The following ANKFN1 variants were observed in gnomAD, a reference collection of about 807,000 sequenced individuals.
ANKFN1 encodes ankyrin repeat and fibronectin type-III domain-containing protein 1.
In ANKFN1, 74 loss-of-function variants were observed where a neutral mutation model predicts 108.7. The ratio of observed to expected loss-of-function variants is 0.68; its 90% CI spans 0.56 to 0.83. The LOEUF is 0.83. Ranked by LOEUF, ANKFN1 falls within the 40% of genes least tolerant of loss-of-function variation. ANKFN1 has a pLI of 0.00. For missense variants in ANKFN1, 1,505 were observed against 1,382.3 expected (o/e 1.09, Z -1.41); for synonymous variants, 547 against 516.2 (o/e 1.06, Z -0.81).
chr17:56,509,607 A>G (rs2145490254), intron 20 of ANKFN1, among the ~76,000 whole-genome samples: 1 of 152,334 alleles, frequency 6.6e-6, no homozygotes, highest in South Asian at 2.1e-4. Context: ...TCCCAATTAA[A>G]ATTAAGATTT....
intron 4 of ANKFN1, among the ~76,000 whole-genome samples, chr17:56,341,068 G>A (rs185655556): frequency 4.6e-5 from 7 of 152,190 alleles, no homozygotes; most frequent in Admixed American, 3.9e-4. Context: ...TGTGACAGTT[G>A]TGAATGGGAG....
At chr17:56,418,117 G>C (rs929566390) in intron 8 of ANKFN1, among the ~76,000 whole-genome samples, 1 of 152,134 alleles carries the variant, frequency 6.6e-6, no homozygotes, top group African/African-American at 2.4e-5. Context: ...TTATTAAGTG[G>C]TTTCTGGAGG....
In ANKFN1 at chr17:56,131,775, C is replaced by T. The variant is rs1227867193; in HGVS notation, c.288+85450C>T. ...GGGTGGTGGCTCATTCCTGTAACCCCAGCATTTTGGAAGGCCGAGACAGGA... is the reference window on the plus strand; with the variant it reads ...GGGTGGTGGCTCATTCCTGTAACCCTAGCATTTTGGAAGGCCGAGACAGGA... On this transcript the variant is annotated intron_variant, in intron 4 of 12. Transcript: ENST00000635860. 3.3e-5 allele frequency among the ~76,000 whole-genome samples: 5 copies of T among 152,104 alleles called. No individual in the cohort carries two copies. In the South Asian group the frequency reaches 1.0e-3, roughly 32 times the overall value.
intron 4 of ANKFN1, among the ~76,000 whole-genome samples, chr17:56,093,588 C>T (rs889835391): frequency 2.0e-5 from 3 of 151,316 alleles, no homozygotes; most frequent in Admixed American, 6.6e-5. Flanking sequence ...TCACTGCATG[C>T]GTTATGAGCC....
intron 18 of ANKFN1, among the ~76,000 whole-genome samples, chr17:56,486,170 G>GT (rs757036543): frequency 2.0e-5 from 3 of 152,222 alleles, no homozygotes; most frequent in East Asian, 1.9e-4. Flanking sequence ...CTTTAAGATG[G>GT]TTTTTTCCTA....
chr17:56,421,534 A>G (rs1389405241), intron 8 of ANKFN1, among the ~76,000 whole-genome samples: 1 of 152,216 alleles, frequency 6.6e-6, no homozygotes, highest in African/African-American at 2.4e-5. Context: ...TCCCTTTAAG[A>G]AACTTGGCCA....
intron 3 of ANKFN1, among the ~76,000 whole-genome samples, chr17:56,244,635 C>G (rs887498701): frequency 6.6e-6 from 1 of 152,082 alleles, no homozygotes; most frequent in Non-Finnish European, 1.5e-5. Flanking sequence ...TGAATCCAGG[C>G]AGGCTGCATA....
At chr17:56,503,486 CATATATATATATATATATATATAT>C (rs3052391) in intron 20 of ANKFN1, among the ~76,000 whole-genome samples, 20 of 81,526 alleles carry the variant, frequency 2.5e-4, no homozygotes, top group East Asian at 1.6e-3. Context: ...GCACAAATTT[CATATATATATATATATATATATAT>C]ATATATATAT....
intron 15 of ANKFN1, among the ~76,000 whole-genome samples, chr17:56,475,867 C>A (rs2050480392): frequency 6.6e-6 from 1 of 152,134 alleles, no homozygotes; most frequent in African/African-American, 2.4e-5. Context: ...AGTCCATTTT[C>A]ACACTGCTAT....
intron 4 of ANKFN1, among the ~76,000 whole-genome samples, chr17:56,063,206 A>G (rs1236358834): frequency 6.6e-6 from 1 of 152,062 alleles, no homozygotes; most frequent in African/African-American, 2.4e-5. Context: ...TCAACCTTAG[A>G]GAATCCGAAG....
chr17:56,476,995 A>G (rs2145347393), intron 15 of ANKFN1, among the ~76,000 whole-genome samples: 1 of 152,324 alleles, frequency 6.6e-6, no homozygotes, highest in East Asian at 1.9e-4. Flanking sequence ...TAAGGAACCT[A>G]CTTACTATAA....
At chr17:56,234,142 A>G (rs1916938915) in intron 3 of ANKFN1, among the ~76,000 whole-genome samples, 1 of 152,162 alleles carries the variant, frequency 6.6e-6, no homozygotes, top group South Asian at 2.1e-4. Context: ...TGTGGTGTAA[A>G]TGCTGCTGCC....
intron 1 of ANKFN1, among the ~76,000 whole-genome samples, chr17:56,198,184 A>G (rs987245733): frequency 6.6e-6 from 1 of 152,214 alleles, no homozygotes; most frequent in Non-Finnish European, 1.5e-5. Flanking sequence ...AAGTTAGGAA[A>G]CACTGAATTT....
chr17:56,127,126 G>A (rs7213834), intron 4 of ANKFN1, among the ~76,000 whole-genome samples: 23,840 of 152,066 alleles, frequency 0.16, 2,056 homozygotes, highest in East Asian at 0.28. Context: ...AGAAGTGAGG[G>A]CTAACAGGTA....
intron 4 of ANKFN1, among the ~76,000 whole-genome samples, chr17:56,054,775 A>T (rs1904837097): frequency 6.6e-6 from 1 of 152,060 alleles, no homozygotes; most frequent in African/African-American, 2.4e-5. Flanking sequence ...AGTCCCGGCT[A>T]CTCAGGAGGC....
At chr17:56,302,902 C>T (rs1271563512) in intron 3 of ANKFN1, among the ~76,000 whole-genome samples, 3 of 152,130 alleles carry the variant, frequency 2.0e-5, no homozygotes, top group Admixed American at 6.5e-5. Context: ...TAAGAATTGT[C>T]ATGGTTTAAA....
At chr17:56,304,148 A>G (rs2044750612) in intron 3 of ANKFN1, among the ~76,000 whole-genome samples, 1 of 151,900 alleles carries the variant, frequency 6.6e-6, no homozygotes, top group Non-Finnish European at 1.5e-5. Context: ...GATCACACCC[A>G]CTTCCCTCCT....
intron 12 of ANKFN1, 52 bp from the exon 13 acceptor site, chr17:56,457,205 A>C (rs2049736124): frequency 6.7e-7 from 1 of 1,490,044 alleles, no homozygotes; most frequent in Non-Finnish European, 9.0e-7. Flanking sequence ...CCAAAAAAAT[A>C]TTTTTCCAAG....
At chr17:56,438,127 C>A (rs1411744844) in intron 8 of ANKFN1, among the ~76,000 whole-genome samples, 1 of 151,970 alleles carries the variant, frequency 6.6e-6, no homozygotes, top group Non-Finnish European at 1.5e-5. Context: ...GTTTCTCATG[C>A]TCAAGAGAAA....
Sources: gnomAD v4.1 joint callset for allele counts (sites outside exome capture counted in the v4.1 genomes callset) on GRCh38, gnomAD v4.1.1 for gene constraint, MANE v1.5 for transcripts, NCBI Gene and HGNC (gene_info 2026-07-23, HGNC 2026-07-21) for gene names.